Variants in PPP2R5D observed in about 807,000 individuals in gnomAD.
The protein encoded by PPP2R5D is protein phosphatase 2 regulatory subunit B'delta, also known as serine/threonine-protein phosphatase 2A 56 kDa regulatory subunit delta isoform.
A neutral mutation model predicts 79.1 loss-of-function variants in PPP2R5D; 12 were observed. The ratio of observed to expected loss-of-function variants is 0.15; its 90% confidence interval spans 0.10 to 0.25. The LOEUF is 0.25. Ranked by LOEUF, PPP2R5D falls within the 10% of genes least tolerant of loss-of-function variation. The pLI, the probability that PPP2R5D is intolerant of heterozygous loss-of-function variation, is 1.00. For missense variants in PPP2R5D, 419 were observed against 760.2 expected (o/e 0.55, Z 5.28); for synonymous variants, 277 against 286.6 (o/e 0.97, Z 0.34).
rs1195704820 is a variant in PPP2R5D, at chr6:42,984,718, T to C, written c.27+14T>C. 6.2e-7 allele frequency: 1 copy of C among 1,609,288 alleles called. No individual in the cohort carries two copies. The highest frequency in any genetic ancestry group is 8.5e-7 in the Non-Finnish European group (1 of 1,177,880). On this transcript the variant is annotated intron_variant, in intron 1 of 15. Transcript: ENST00000485511. ...AAAAAGGAGAAGGTGAGCGTGGCCC[T>C]TTTTCCCCCACCGCCGCCTTGGAGC...
At chr6:42,996,358 G>A (rs748935212) in intron 2 of PPP2R5D, among the ~76,000 whole-genome samples, 25 of 151,462 alleles carry the variant, frequency 1.7e-4, no homozygotes, top group Non-Finnish European at 2.1e-4. Flanking sequence ...CCAGCTACTC[G>A]GGAGGCTGAG....
Position 43,006,945 on chromosome 6 carries a change from C to T in PPP2R5D, c.357C>T (p.Ile119=), listed in dbSNP as rs2150278441. Reference sequence around the variant, plus strand: ...CCCAGGAGCGGGAGGAGCTGTTTATCCAGAAGCTACGCCAGTGCTGTGTCC... The same window carrying T: ...CCCAGGAGCGGGAGGAGCTGTTTATTCAGAAGCTACGCCAGTGCTGTGTCC... ...SPTQEREELF[I]QKLRQCCVLF... Residue 119 remains isoleucine, a synonymous_variant, in exon 4 of 16, where the codon ATC becomes ATT. Transcript: ENST00000485511. This position sits in a 1 kb window ranked among gnomAD's most constrained non-coding sequence, Gnocchi z 4.7. The T allele has an allele frequency of 6.2e-7, 1 of 1,614,112 alleles. No homozygotes were observed. The highest frequency in any genetic ancestry group is 1.3e-5 in the African/African-American group (1 of 75,022).
In PPP2R5D at chr6:43,009,415, G is replaced by A; in HGVS notation, c.1345G>A (p.Ala449Thr). 6.2e-7 allele frequency: 1 copy of A among 1,614,096 alleles called. No homozygotes were observed. The highest frequency in any genetic ancestry group is 8.5e-7 in the Non-Finnish European group (1 of 1,180,020). ...AARVLPIMFP[A>T]LYRNSKSHWN... Reference sequence around the variant, plus strand: ...CCGAGTCCTCCCCATCATGTTCCCTGCACTCTACAGGAACTCCAAGAGCCA... The same window carrying A: ...CCGAGTCCTCCCCATCATGTTCCCTACACTCTACAGGAACTCCAAGAGCCA... The change falls in exon 12 of 16, where the codon GCA becomes ACA. Residue 449 changes from alanine to threonine, a missense_variant. Physicochemically the swap from Ala to Thr is moderately conservative, Grantham distance 58. This residue lies in a region of PPP2R5D where 196 missense variants were observed against 424.5 expected (regional missense o/e 0.46). Coordinates refer to ENST00000485511, the MANE Select transcript of PPP2R5D (RefSeq NM_006245.4). The surrounding 1 kb of genome is among the most constrained non-coding windows in gnomAD (Gnocchi z 5.6).
At chr6:42,997,590 A>T (rs903014271) in intron 2 of PPP2R5D, among the ~76,000 whole-genome samples, 1 of 151,862 alleles carries the variant, frequency 6.6e-6, no homozygotes, top group Non-Finnish European at 1.5e-5. Context: ...GCTCACTGCA[A>T]TATCTACCTC....
chr6:42,989,192 T>C (rs1047562792), intron 1 of PPP2R5D, among the ~76,000 whole-genome samples: 5 of 152,144 alleles, frequency 3.3e-5, no homozygotes, highest in Non-Finnish European at 2.9e-5. Flanking sequence ...GGGAGAGTGG[T>C]GACTCCCTGC....
chr6:43,004,566 C>T (rs1761956205), intron 2 of PPP2R5D, among the ~76,000 whole-genome samples: 1 of 116,858 alleles, frequency 8.6e-6, no homozygotes, highest in African/African-American at 3.6e-5. Flanking sequence ...GATTCTTTTC[C>T]TACTTTTTTT....
Position 43,008,668 on chromosome 6 carries a change from TC to T in PPP2R5D, c.1027-22del. 6.2e-7 allele frequency: 1 copy of T among 1,612,308 alleles called. No individual in the cohort carries two copies. The highest frequency in any genetic ancestry group is 8.5e-7 in the Non-Finnish European group (1 of 1,178,430). On this transcript the variant is annotated intron_variant, in intron 9 of 15. Coordinates refer to ENST00000485511, the MANE Select transcript of PPP2R5D (RefSeq NM_006245.4). The surrounding 1 kb of genome is among the most constrained non-coding windows in gnomAD (Gnocchi z 4.2). The stretch of plus-strand genomic sequence containing the variant: ...GAGCTTCTAGGACCTACACCTCACC[TC>T]CCTTCTACCTCACACCTTTGCAGCT...
At position 43,007,638 on chromosome 6, in the gene PPP2R5D, G is replaced by A. The variant is rs1324036962; in HGVS notation, c.726+132G>A. 3 of 983,502 alleles carry A rather than the reference G, an allele frequency of 3.1e-6. No homozygotes were observed. Among genetic ancestry groups the A allele is most frequent in the Non-Finnish European group, 4.6e-6 (3 of 654,240 alleles). 60.9% of individuals were successfully genotyped at this position (983,502 alleles called of 1,614,324 possible). A position where few individuals can be genotyped will look rare whatever the true frequency, so the allele number is the denominator to read the frequency against. On this transcript the variant is annotated intron_variant, in intron 6 of 15. Transcript: ENST00000485511. This position sits in a 1 kb window ranked among gnomAD's most constrained non-coding sequence, Gnocchi z 4.5. Reference sequence around the variant, plus strand: ...ATGTCTGGTACGAGGAGGCTATAAAGGGTAAAAAACAAAACAAAACAAAAC... The same window carrying A: ...ATGTCTGGTACGAGGAGGCTATAAAAGGTAAAAAACAAAACAAAACAAAAC...
At chr6:43,005,717 G>A (rs924170222) in intron 2 of PPP2R5D, among the ~76,000 whole-genome samples, 2 of 152,024 alleles carry the variant, frequency 1.3e-5, no homozygotes, top group Non-Finnish European at 1.5e-5. Flanking sequence ...CGCCTCCTGG[G>A]TTCAAGCGAT....
In PPP2R5D at chr6:43,006,795, G is replaced by C. The variant is rs944201665; in HGVS notation, c.322+116G>C. The C allele has an allele frequency of 6.4e-7, 1 of 1,569,836 alleles. No individual in the cohort carries two copies. Among genetic ancestry groups the C allele is most frequent in the African/African-American group, 1.3e-5 (1 of 74,140 alleles). On this transcript the variant is annotated intron_variant, in intron 3 of 15. Coordinates refer to ENST00000485511, the MANE Select transcript of PPP2R5D (RefSeq NM_006245.4). This position sits in a 1 kb window ranked among gnomAD's most constrained non-coding sequence, Gnocchi z 4.7. The stretch of plus-strand genomic sequence containing the variant: ...AAGGGAGTTCCAGAGAATGCGGGAA[G>C]GGGGTGCCAGGGAGCAGGATGGTGG...
At chr6:43,002,764 T>C (rs1761822588) in intron 2 of PPP2R5D, among the ~76,000 whole-genome samples, 1 of 152,176 alleles carries the variant, frequency 6.6e-6, no homozygotes, top group African/African-American at 2.4e-5. Context: ...CATTTCTGTC[T>C]TCCTTCCCTC....
At chr6:42,984,780 G>A (rs1387700978) in intron 1 of PPP2R5D, 76 bp downstream of exon 1, 2 of 1,599,618 alleles carry the variant, frequency 1.3e-6, no homozygotes, top group Middle Eastern at 1.8e-4. Context: ...AGCCAGGCCC[G>A]GGACAGCCCC....
chr6:42,998,011 T>TAATA (rs1189100610), intron 2 of PPP2R5D, among the ~76,000 whole-genome samples: 25 of 72,566 alleles, frequency 3.4e-4, no homozygotes, highest in African/African-American at 2.0e-3. Context: ...TATTTGGGTT[T>TAATA]TATTTATATA....
chr6:42,985,353 C>G (rs1408476036), intron 1 of PPP2R5D, among the ~76,000 whole-genome samples: 9 of 152,244 alleles, frequency 5.9e-5, no homozygotes, highest in Admixed American at 5.9e-4. Flanking sequence ...GAAGGGACCT[C>G]TGAGCGCATG....
chr6:42,990,587 G>T (rs1263283340), intron 2 of PPP2R5D, among the ~76,000 whole-genome samples: 2 of 151,778 alleles, frequency 1.3e-5, no homozygotes, highest in African/African-American at 4.8e-5. Context: ...CCTCATTTTA[G>T]GCCTCATTTA....
Position 43,011,139 on chromosome 6 carries a change from TCA to T in PPP2R5D, c.1672-3_1672-2del, listed in dbSNP as rs767036421. The T allele has an allele frequency of 6.2e-7, 1 of 1,614,084 alleles. No individual in the cohort carries two copies. Among genetic ancestry groups the T allele is most frequent in the Admixed American group, 1.7e-5 (1 of 60,012 alleles). On this transcript the variant is annotated splice_region_variant and splice_polypyrimidine_tract_variant and intron_variant, in intron 15 of 15. Transcript: ENST00000485511. ...TCACCATTCCTCACCTTGTCCCTAT[TCA>T]CACACAGATGCTAAAAGACATCAAG...
intron 2 of PPP2R5D, among the ~76,000 whole-genome samples, chr6:43,005,220 A>G (rs1409303894): frequency 7.7e-6 from 1 of 130,590 alleles, no homozygotes; most frequent in Non-Finnish European, 1.6e-5. Context: ...GATTTTTATT[A>G]AGCTAAATTT....
rs1762383611 is a variant in PPP2R5D at position 43,012,175 on chromosome 6, C to T, written c.*889C>T. Reference sequence around the variant, plus strand: ...GTCCCTTATAGGTACCTTGGAGGGGCCAGGGGCTGAGGAAGGCCGGACCCA... The same window carrying T: ...GTCCCTTATAGGTACCTTGGAGGGGTCAGGGGCTGAGGAAGGCCGGACCCA... On this transcript the variant is annotated 3_prime_UTR_variant, in exon 16 of 16. Transcript: ENST00000485511. 1.8e-6 allele frequency: 2 copies of T among 1,109,416 alleles called. No homozygotes were observed. The highest frequency in any genetic ancestry group is 4.9e-5 in the Admixed American group (1 of 20,450). The allele number at this position is 1,109,416 out of a possible 1,614,324, so 68.7% of individuals were successfully genotyped here. A position where few individuals can be genotyped will look rare whatever the true frequency, so the allele number is the denominator to read the frequency against.
intron 2 of PPP2R5D, among the ~76,000 whole-genome samples, chr6:43,003,009 G>A (rs879324384): frequency 2.3e-4 from 35 of 152,190 alleles, no homozygotes; most frequent in Non-Finnish European, 4.7e-4. Context: ...ACAGGGGGCT[G>A]CCTGGACAGT....
Sources: gnomAD v4.1 joint callset for allele counts (sites outside exome capture counted in the v4.1 genomes callset) on GRCh38, gnomAD v4.1.1 for gene constraint, gnomAD v4.1.1 regional missense constraint, Gnocchi (gnomAD v3.1) non-coding constraint, MANE v1.5 for transcripts, NCBI Gene and HGNC (gene_info 2026-07-23, HGNC 2026-07-21) for gene names.